MFF: variants seen among roughly 807,000 people sequenced by gnomAD.
The protein encoded by MFF is mitochondrial fission factor.
In MFF, 12 loss-of-function variants were observed where a neutral mutation model predicts 36.9. That is an observed-to-expected ratio of 0.33 (90% CI 0.21 to 0.53). MFF has a LOEUF of 0.53. MFF is among the 20% of genes least tolerant of loss of function. MFF has a pLI of 0.95. For missense variants in MFF, 348 were observed against 366.6 expected (o/e 0.95, Z 0.42); for synonymous variants, 99 against 126.2 (o/e 0.78, Z 1.44).
intron 2 of MFF, 107 bp from the exon 3 acceptor site, chr2:227,330,518 GA>G: frequency 2.8e-6 from 2 of 726,750 alleles, no homozygotes; most frequent in Non-Finnish European, 2.3e-6. Context: ...ACTTGCAAAT[GA>G]GAAGTTTCCT....
At chr2:227,348,376 G>A (rs1023294987) in intron 6 of MFF, among the ~76,000 whole-genome samples, 3 of 152,094 alleles carry the variant, frequency 2.0e-5, no homozygotes, top group African/African-American at 7.2e-5. Flanking sequence ...TATCATTGTT[G>A]AATCCAGGGC....
intron 6 of MFF, among the ~76,000 whole-genome samples, chr2:227,348,675 C>G (rs1338471097): frequency 2.0e-5 from 3 of 152,020 alleles, no homozygotes; most frequent in Non-Finnish European, 4.4e-5. Flanking sequence ...TAGAATTAAC[C>G]CGGATCCACC....
At chr2:227,356,868 A>G (rs1229516084) in intron 8 of MFF, 118 bp from the exon 9 acceptor site, 9 of 800,652 alleles carry the variant, frequency 1.1e-5, no homozygotes, top group Non-Finnish European at 1.7e-5. Flanking sequence ...GAAACTTTCC[A>G]TGTTTGTAAT....
chr2:227,343,606 C>G (rs1429756879), intron 5 of MFF, among the ~76,000 whole-genome samples: 1 of 151,718 alleles, frequency 6.6e-6, no homozygotes, highest in African/African-American at 2.4e-5. Flanking sequence ...ATTGTTTTAC[C>G]CTATTTTTTG....
chr2:227,341,724 C>G (rs2075403301), intron 5 of MFF, among the ~76,000 whole-genome samples: 1 of 152,036 alleles, frequency 6.6e-6, no homozygotes, highest in Admixed American at 6.6e-5. Flanking sequence ...ATTAAACATA[C>G]ACTCAAGAGC....
chr2:227,353,617 A>G (rs2076111994), intron 7 of MFF, among the ~76,000 whole-genome samples: 1 of 152,180 alleles, frequency 6.6e-6, no homozygotes, highest in African/African-American at 2.4e-5. Context: ...ATTTTCAGCC[A>G]GTGGTCTAAC....
At chr2:227,345,848 A>T (rs2075681415) in intron 5 of MFF, among the ~76,000 whole-genome samples, 2 of 152,158 alleles carry the variant, frequency 1.3e-5, no homozygotes, top group East Asian at 3.8e-4. Context: ...TGCATCTGAA[A>T]ATTTGAGTTT....
intron 4 of MFF, among the ~76,000 whole-genome samples, chr2:227,336,403 C>T (rs1559958746): frequency 6.6e-6 from 1 of 152,190 alleles, no homozygotes; most frequent in Non-Finnish European, 1.5e-5. Context: ...CTATTCATTT[C>T]TATAATAAAT....
intron 7 of MFF, among the ~76,000 whole-genome samples, chr2:227,353,185 C>T (rs755353144): frequency 1.6e-4 from 24 of 152,292 alleles, no homozygotes; most frequent in African/African-American, 2.4e-4. Context: ...CTTCCTGACA[C>T]GCACAGAGGC....
At chr2:227,350,913 A>G (rs7570737) in intron 6 of MFF, among the ~76,000 whole-genome samples, 11,563 of 152,202 alleles carry the variant, frequency 0.076, 626 homozygotes, top group East Asian at 0.13. Context: ...ATTTACTTTT[A>G]CAATATATGT....
Position 227,357,191 on chromosome 2 carries a change from G to C in MFF, c.*74G>C, listed in dbSNP as rs1466633645. On this transcript the variant is annotated 3_prime_UTR_variant, in exon 9 of 9. Transcript: ENST00000304593. Reference sequence around the variant, plus strand: ...AAGATTTGCAAACTTCTTTGTTTCTGTCTCTGCATTGTATGCCATTTTATA... The same window carrying C: ...AAGATTTGCAAACTTCTTTGTTTCTCTCTCTGCATTGTATGCCATTTTATA... 1.3e-6 allele frequency: 2 copies of C among 1,523,328 alleles called. No individual in the cohort carries two copies. Among genetic ancestry groups the C allele is most frequent in the Admixed American group, 3.9e-5 (2 of 50,978 alleles). The allele number at this position is 1,523,328 out of a possible 1,614,324, so 94.4% of individuals were successfully genotyped here. A position where few individuals can be genotyped will look rare whatever the true frequency, so the allele number is the denominator to read the frequency against.
intron 4 of MFF, among the ~76,000 whole-genome samples, chr2:227,337,373 C>G (rs1157356135): frequency 6.6e-6 from 1 of 152,200 alleles, no homozygotes; most frequent in South Asian, 2.1e-4. Context: ...ATAATTTGTA[C>G]CTTTCCCCCT....
chr2:227,332,650 G>A (rs1228411875), intron 4 of MFF, 62 bp downstream of exon 4: 21 of 1,320,936 alleles, frequency 1.6e-5, no homozygotes, highest in African/African-American at 4.5e-5. Context: ...AAAGAGAAGA[G>A]CAAAGAGGCT....
intron 7 of MFF, among the ~76,000 whole-genome samples, chr2:227,353,970 C>T (rs907170478): frequency 1.3e-5 from 2 of 152,080 alleles, no homozygotes; most frequent in Non-Finnish European, 2.9e-5. Flanking sequence ...GAATCTTCTA[C>T]CTTTATTTTT....
intron 6 of MFF, among the ~76,000 whole-genome samples, chr2:227,349,503 A>G (rs1190610611): frequency 6.6e-6 from 1 of 152,068 alleles, no homozygotes; most frequent in East Asian, 1.9e-4. Context: ...TTCATGAAGG[A>G]GTTATATTAA....
In MFF at chr2:227,350,478, T is replaced by G. The variant is rs2106448374; in HGVS notation, c.600-2036T>G. ...TTTATGCAGTTTTTCCTTAACAGAT[T>G]GTACCAGCTTTGAGTGCATAGAATA... On this transcript the variant is annotated intron_variant, in intron 6 of 8. Transcript: ENST00000304593. 1.3e-5 allele frequency among the ~76,000 whole-genome samples: 2 copies of G among 152,242 alleles called. 1 individual carries two copies. The highest frequency in any genetic ancestry group is 4.1e-4 in the South Asian group (2 of 4,832).
chr2:227,341,001 CATT>C (rs66531111), intron 5 of MFF, among the ~76,000 whole-genome samples: 130,304 of 151,820 alleles, frequency 0.86, 57,069 homozygotes, highest in Non-Finnish European at 0.95. Context: ...ATTTCTTCCT[CATT>C]AATGTTTTGG....
chr2:227,356,754 C>T (rs1323983620), intron 8 of MFF, among the ~76,000 whole-genome samples: 1 of 152,160 alleles, frequency 6.6e-6, no homozygotes, highest in Non-Finnish European at 1.5e-5. Context: ...CCCTTCCTAA[C>T]TCAGAAATCT....
intron 4 of MFF, among the ~76,000 whole-genome samples, chr2:227,335,415 T>C (rs916579025): frequency 6.6e-6 from 1 of 152,162 alleles, no homozygotes; most frequent in East Asian, 1.9e-4. Context: ...GATGAAAATA[T>C]TCCGGAATTA....
Sources: gnomAD v4.1 joint callset for allele counts (sites outside exome capture counted in the v4.1 genomes callset) on GRCh38, gnomAD v4.1.1 for gene constraint, MANE v1.5 for transcripts, NCBI Gene and HGNC (gene_info 2026-07-23, HGNC 2026-07-21) for gene names.